The following TRA2B variants were observed in gnomAD, a reference collection of about 807,000 sequenced individuals.
TRA2B encodes transformer-2 protein homolog beta.
Under a neutral mutation model 41.7 loss-of-function variants are expected in TRA2B, and 14 were observed. The ratio of observed to expected loss-of-function variants is 0.34; its 90% CI spans 0.22 to 0.53. The LOEUF (loss-of-function observed/expected upper bound fraction) is 0.53. Among genes scored for constraint, TRA2B ranks in the 20% least tolerant of loss-of-function variants. The pLI is 0.95. For missense variants in TRA2B, 167 were observed against 396.8 expected, an observed-to-expected ratio of 0.42 and a Z score of 4.92; for synonymous variants, 130 against 128.8, an observed-to-expected ratio of 1.01 and a Z score of -0.06.
intron 1 of TRA2B, chr3:185,936,673 AT>A (rs753456091): frequency 2.1e-6 from 2 of 965,098 alleles, no homozygotes; most frequent in South Asian, 9.7e-5. Flanking sequence ...TAGGTAACAA[AT>A]TGTTTTTTTT....
At position 185,914,891 on chromosome 3, in the gene TRA2B, G is replaced by C. The variant is rs1414049650; in HGVS notation, c.*2824C>G. ...TCTAATTCTCAATTTCTCCTCCTGGGCCTTGCAGAATTGGAATCCTAGTCA... is the reference window on the plus strand; with the variant it reads ...TCTAATTCTCAATTTCTCCTCCTGGCCCTTGCAGAATTGGAATCCTAGTCA... On this transcript the variant is annotated 3_prime_UTR_variant, in exon 9 of 9. Transcript: ENST00000453386. Among the ~76,000 whole-genome samples the C allele has an allele frequency of 2.0e-5, 3 of 151,876 alleles. No homozygotes were observed. The highest frequency in any genetic ancestry group is 4.4e-5 in the Non-Finnish European group (3 of 67,980).
chr3:185,915,190 A>C lies in TRA2B; in HGVS notation c.*2525T>G, dbSNP rs773271412. Among the ~76,000 whole-genome samples, 2 of 152,158 alleles carry C rather than the reference A, an allele frequency of 1.3e-5. No individual in the cohort carries two copies. Among genetic ancestry groups the C allele is most frequent in the Non-Finnish European group, 2.9e-5 (2 of 68,018 alleles). The stretch of plus-strand genomic sequence containing the variant: ...TGCTCCCAGGTCTACAAATCTTTTG[A>C]CACAGCCTTATTTCCACTTGCTGGG... On this transcript the variant is annotated 3_prime_UTR_variant, in exon 9 of 9. Transcript: ENST00000453386.
intron 1 of TRA2B, among the ~76,000 whole-genome samples, chr3:185,930,464 G>A (rs1744108355): frequency 6.6e-6 from 1 of 152,114 alleles, no homozygotes; most frequent in Non-Finnish European, 1.5e-5. Flanking sequence ...GATTCTCCAA[G>A]AAATGCCATT....
intron 1 of TRA2B, among the ~76,000 whole-genome samples, chr3:185,931,153 A>G (rs1370926300): frequency 6.6e-6 from 1 of 152,202 alleles, no homozygotes; most frequent in Non-Finnish European, 1.5e-5. Flanking sequence ...TCCTGGTGAC[A>G]TTCCTTTGAA....
intron 1 of TRA2B, chr3:185,935,457 T>C (rs1317824156): frequency 1.0e-6 from 1 of 985,246 alleles, no homozygotes; most frequent in African/African-American, 1.7e-5. Flanking sequence ...CTGAGAATAA[T>C]TTATCCCACA....
chr3:185,932,056 T>C (rs1744168248), intron 1 of TRA2B, among the ~76,000 whole-genome samples: 1 of 152,120 alleles, frequency 6.6e-6, no homozygotes, highest in Admixed American at 6.5e-5. Flanking sequence ...ATTTCTCTAC[T>C]CCAAATAGAC....
At chr3:185,935,235 C>A (rs1744302391) in intron 1 of TRA2B, 1 of 985,250 alleles carries the variant, frequency 1.0e-6, no homozygotes. Flanking sequence ...GTCTTGAATC[C>A]GGAGATGAAA....
At chr3:185,936,469 T>A (rs1341512094) in intron 1 of TRA2B, 1 of 985,286 alleles carries the variant, frequency 1.0e-6, no homozygotes, top group African/African-American at 1.7e-5. Flanking sequence ...CTTGATTAGT[T>A]CAAACCAAAT....
intron 8 of TRA2B, 105 bp from the exon 9 acceptor site, chr3:185,917,830 G>A (rs1743558709): frequency 1.6e-6 from 2 of 1,215,468 alleles, no homozygotes; most frequent in Admixed American, 1.9e-5. Flanking sequence ...AAATTCCTAT[G>A]TGCCAGAACC....
intron 7 of TRA2B, 43 bp from the exon 8 acceptor site, chr3:185,918,481 A>C (rs886826382): frequency 7.3e-7 from 1 of 1,374,162 alleles, no homozygotes; most frequent in Admixed American, 1.7e-5. Context: ...AATAGATCAC[A>C]ATTAGACCAA....
At position 185,925,564 on chromosome 3, in the gene TRA2B, T is replaced by A. The variant is rs761923333; in HGVS notation, c.233A>T (p.His78Leu). Residue 78 changes from histidine to leucine, a missense_variant, in exon 3 of 9, where the codon CAT becomes CTT. His to Leu is a moderately conservative substitution (Grantham distance 99). This residue lies in a region of TRA2B where 94 missense variants were observed against 133.4 expected (regional missense o/e 0.70). Coordinates refer to ENST00000453386, the MANE Select transcript of TRA2B (RefSeq NM_004593.3). ...GTAAGACCTGCTACGTGATCGTCTA[T>A]GGGAGCGGGAGCGAGACCGTGACCG... is the stretch of plus-strand genomic sequence containing the variant. ...YTRSRSRSRS[H>L]RRSRSRSYSR... 1 of 1,614,094 alleles carries A rather than the reference T, an allele frequency of 6.2e-7. No individual in the cohort carries two copies. The highest frequency in any genetic ancestry group is 8.5e-7 in the Non-Finnish European group (1 of 1,180,044).
In TRA2B at chr3:185,924,313, C is replaced by G. The variant is rs979090218; in HGVS notation, c.334-329G>C. 16 of 206,892 alleles carry G rather than the reference C, an allele frequency of 7.7e-5. No homozygotes were observed. In the Admixed American group the frequency reaches 8.1e-4, roughly 10 times the overall value. 12.8% of individuals were successfully genotyped at this position (206,892 alleles called of 1,614,324 possible). On this transcript the variant is annotated intron_variant, in intron 3 of 8. Coordinates refer to ENST00000453386, the MANE Select transcript of TRA2B (RefSeq NM_004593.3). ...TTCATAACATGACATACAAGGATAA[C>G]TGGAACCACACTGTGTCTATCAGCT...
rs370736793 is a variant in TRA2B at position 185,921,204 on chromosome 3, A to G, written c.639-17T>C. 280 of 1,611,404 alleles carry G rather than the reference A, an allele frequency of 1.7e-4. 1 individual carries two copies. Among genetic ancestry groups the G allele is most frequent in the Non-Finnish European group, 2.0e-4 (231 of 1,177,846 alleles). On this transcript the variant is annotated splice_polypyrimidine_tract_variant and intron_variant, in intron 5 of 8. Transcript: ENST00000453386. ...GAGCTGCCACTATGAAGAAAAAAAT[A>G]TTCAGGTGACCTCCCTTATCTTTCT...
At chr3:185,935,924 T>C (rs1438538262) in intron 1 of TRA2B, 4 of 985,294 alleles carry the variant, frequency 4.1e-6, no homozygotes, top group Non-Finnish European at 4.8e-6. Context: ...TTTAACACAT[T>C]AAGTTAACCT....
In TRA2B at chr3:185,935,350, G is replaced by T. The variant is rs28665703; in HGVS notation, c.36+2475C>A. On this transcript the variant is annotated intron_variant, in intron 1 of 8. Transcript: ENST00000453386. ...TTAATCTATTACCTTTGAGAGGGGG[G>T]AAAAAATAAATCCCACAGACCAACG... 5.1e-6 allele frequency: 5 copies of T among 984,680 alleles called. No individual in the cohort carries two copies. The African/African-American group carries it at 7.0e-5, about 14-fold the overall frequency. The allele number at this position is 984,680 out of a possible 1,614,324, so 61.0% of individuals were successfully genotyped here. A position where few individuals can be genotyped will look rare whatever the true frequency, so the allele number is the denominator to read the frequency against.
rs549939073 is a variant in TRA2B at position 185,931,107 on chromosome 3, CTTTG to C, written c.37-4377_37-4374del. Among the ~76,000 whole-genome samples the C allele has an allele frequency of 1.5e-4, 23 of 152,260 alleles. No individual in the cohort carries two copies. The East Asian group carries it at 4.2e-3, about 28-fold the overall frequency. On this transcript the variant is annotated intron_variant, in intron 1 of 8. Transcript: ENST00000453386. ...CCAAAGGGAACTATTTTGTTCAATG[CTTTG>C]TTTGGATTTTGGGGGTTTGGTTCCA...
chr3:185,935,634 G>A (rs1357085889), intron 1 of TRA2B: 4 of 985,370 alleles, frequency 4.1e-6, no homozygotes, highest in Non-Finnish European at 4.8e-6. Context: ...CAGAAGCCTG[G>A]AGTTGAATAA....
intron 3 of TRA2B, chr3:185,924,372 C>G (rs1743862884): frequency 6.0e-6 from 1 of 166,924 alleles, no homozygotes; most frequent in Admixed American, 6.2e-5. Flanking sequence ...ACCTTCCATT[C>G]AATAGAATGC....
Position 185,925,564 on chromosome 3 carries a change from T to C in TRA2B, c.233A>G (p.His78Arg), listed in dbSNP as rs761923333. 3 of 1,614,094 alleles carry C rather than the reference T, an allele frequency of 1.9e-6. No homozygotes were observed. The highest frequency in any genetic ancestry group is 1.1e-5 in the South Asian group (1 of 91,090). The change falls in exon 3 of 9, where the codon CAT becomes CGT. Residue 78 changes from histidine to arginine, a missense_variant. This residue lies in a region of TRA2B where 94 missense variants were observed against 133.4 expected (regional missense o/e 0.70). Transcript: ENST00000453386. ...GTAAGACCTGCTACGTGATCGTCTA[T>C]GGGAGCGGGAGCGAGACCGTGACCG... The part of the protein sequence containing the change: ...YTRSRSRSRS[H>R]RRSRSRSYSR...
Sources: allele counts gnomAD v4.1 joint callset (sites outside exome capture counted in the v4.1 genomes callset), GRCh38; gene constraint gnomAD v4.1.1; regional missense constraint gnomAD v4.1.1; transcripts MANE v1.5; gene names NCBI Gene and HGNC (gene_info 2026-07-23, HGNC 2026-07-21).